Variants in SCN10A observed in about 807,000 individuals in gnomAD.
The protein encoded by SCN10A is sodium channel protein type 10 subunit alpha.
In SCN10A, 162 loss-of-function variants were observed where a neutral mutation model predicts 170.7. That is an observed-to-expected ratio of 0.95 (90% CI 0.84 to 1.08). The LOEUF is 1.08. Ranked by LOEUF, SCN10A falls within the 50% of genes least tolerant of loss-of-function variation. The pLI is 0.00. For missense variants in SCN10A, 2,527 were observed against 2,436.9 expected, an observed-to-expected ratio of 1.04 and a Z score of -0.78; for synonymous variants, 985 against 904.6, an observed-to-expected ratio of 1.09 and a Z score of -1.59.
At chr3:38,760,317 T>A (rs2126031445) in intron 8 of SCN10A, among the ~76,000 whole-genome samples, 1 of 152,344 alleles carries the variant, frequency 6.6e-6, no homozygotes. Flanking sequence ...AGAGGCCACA[T>A]GAGCAGAGAC....
intron 5 of SCN10A, among the ~76,000 whole-genome samples, chr3:38,764,913 G>A (rs1029468404): frequency 1.3e-5 from 2 of 152,126 alleles, no homozygotes; most frequent in Non-Finnish European, 2.9e-5. Context: ...GCAGGAGTAA[G>A]GTGGTATCTC....
At chr3:38,721,763 A>G (rs1371164306) in intron 20 of SCN10A, among the ~76,000 whole-genome samples, 4 of 152,234 alleles carry the variant, frequency 2.6e-5, no homozygotes, top group Non-Finnish European at 4.4e-5. Context: ...TGCTATTGTA[A>G]TGATTTTCTG....
Position 38,792,087 on chromosome 3 carries a change from G to T in SCN10A, c.352C>A (p.Leu118Met), listed in dbSNP as rs989355332. 3 of 1,613,854 alleles carry T rather than the reference G, an allele frequency of 1.9e-6. No individual in the cohort carries two copies. The highest frequency in any genetic ancestry group is 2.5e-6 in the Non-Finnish European group (3 of 1,179,826). The change falls in exon 3 of 28, where the codon CTG becomes ATG. Residue 118 changes from leucine to methionine, a missense_variant. Physicochemically the swap from Leu to Met is conservative, Grantham distance 15 (BLOSUM62 2). Coordinates refer to ENST00000449082, the MANE Select transcript of SCN10A (RefSeq NM_006514.4). ...RALWLFSPFN[L>M]IRRTAIKVSV... Reference sequence around the variant, plus strand: ...ACTTTGATGGCCGTTCTTCTGATCAGGTTGAAAGGACTGAATAGCCACAGG... The same window carrying T: ...ACTTTGATGGCCGTTCTTCTGATCATGTTGAAAGGACTGAATAGCCACAGG...
chr3:38,756,916 T>C, intron 9 of SCN10A, 45 bp from the exon 10 acceptor site: 4 of 1,609,636 alleles, frequency 2.5e-6, no homozygotes, highest in Non-Finnish European at 3.4e-6. Flanking sequence ...CCATAGCACA[T>C]GGACCCCTGA....
In SCN10A at chr3:38,742,674, A is replaced by G. The variant is rs548344372; in HGVS notation, c.1868-145T>C. ...AGCCCTCTCTCTGTCTCTGGTATTC[A>G]TTTCCTATATTTTGAACTCCTTTAG... On this transcript the variant is annotated intron_variant, in intron 13 of 27. Coordinates refer to ENST00000449082, the MANE Select transcript of SCN10A (RefSeq NM_006514.4). 1.0e-5 allele frequency: 7 copies of G among 690,278 alleles called. No homozygotes were observed. The Admixed American group carries it at 1.5e-4, about 15-fold the overall frequency. The allele number at this position is 690,278 out of a possible 1,614,324, so 42.8% of individuals were successfully genotyped here.
chr3:38,702,701 C>T (rs1220016685), intron 26 of SCN10A, among the ~76,000 whole-genome samples: 1 of 152,180 alleles, frequency 6.6e-6, no homozygotes, highest in African/African-American at 2.4e-5. Context: ...AAAGGGGAAA[C>T]TTATTCTTGG....
intron 26 of SCN10A, among the ~76,000 whole-genome samples, chr3:38,706,375 A>T (rs1000374929): frequency 6.6e-6 from 1 of 152,196 alleles, no homozygotes; most frequent in African/African-American, 2.4e-5. Context: ...GGCTAATGAA[A>T]TTGTGTCATC....
chr3:38,787,094 G>A (rs2064214401), intron 4 of SCN10A, among the ~76,000 whole-genome samples: 1 of 151,918 alleles, frequency 6.6e-6, no homozygotes, highest in Admixed American at 6.6e-5. Context: ...ATTGATTTGA[G>A]GATCATATTA....
rs537243271 is a variant in SCN10A, at chr3:38,768,167, C to A, written c.599+3112G>T. ...GTGAGTCTCTTGAAGACAGTAGATA[C>A]TTGGTTGGTGGATTTTTTTTTTCCT... On this transcript the variant is annotated intron_variant, in intron 5 of 27. Transcript: ENST00000449082. 9.6e-5 allele frequency among the ~76,000 whole-genome samples: 14 copies of A among 146,240 alleles called. No individual in the cohort carries two copies. In the South Asian group the frequency reaches 3.1e-3, roughly 32 times the overall value.
Position 38,728,557 on chromosome 3 carries a change from C to T in SCN10A, c.2625G>A (p.Val875=), listed in dbSNP as rs143092568. 6.3e-7 allele frequency: 1 copy of T among 1,590,354 alleles called. No individual in the cohort carries two copies. Among genetic ancestry groups the T allele is most frequent in the Non-Finnish European group, 8.6e-7 (1 of 1,165,286 alleles). Residue 875 remains valine (V), a synonymous_variant, in exon 16 of 28, where the codon GTG becomes GTA. Coordinates refer to ENST00000449082, the MANE Select transcript of SCN10A (RefSeq NM_006514.4). ...ICLILFLTVM[V]LGNLVVLNLF... is the part of the protein sequence containing the mutation. ...CACCACTCACCACCAGGTTCCCTAG[C>T]ACCATCACCGTCAAGAAAAGGATGA...
At chr3:38,809,730 A>G (rs897510320) in intron 1 of SCN10A, among the ~76,000 whole-genome samples, 13 of 152,260 alleles carry the variant, frequency 8.5e-5, no homozygotes, top group Admixed American at 8.5e-4. Context: ...AGGCCCTTCT[A>G]TCTTGACAAG....
intron 1 of SCN10A, among the ~76,000 whole-genome samples, chr3:38,812,636 T>G (rs1048305805): frequency 6.6e-6 from 1 of 152,184 alleles, no homozygotes; most frequent in Non-Finnish European, 1.5e-5. Flanking sequence ...AGGGAACTAC[T>G]GTTCGTTTTC....
chr3:38,773,639 A>G (rs965571563), intron 4 of SCN10A, among the ~76,000 whole-genome samples: 3 of 152,246 alleles, frequency 2.0e-5, no homozygotes, highest in African/African-American at 7.2e-5. Context: ...ACTCCAAGGA[A>G]AGCAAAAACA....
intron 1 of SCN10A, among the ~76,000 whole-genome samples, chr3:38,796,399 G>A (rs1425515357): frequency 2.0e-5 from 3 of 152,162 alleles, no homozygotes; most frequent in Non-Finnish European, 2.9e-5. Flanking sequence ...CCTCGTATGT[G>A]TCATTTTGAT....
At chr3:38,746,063 G>GTATGTATATATA (rs1553619551) in intron 13 of SCN10A, among the ~76,000 whole-genome samples, 4 of 61,626 alleles carry the variant, frequency 6.5e-5, no homozygotes, top group African/African-American at 1.4e-4. Flanking sequence ...GTGTGTATGT[G>GTATGTATATATA]TATATATATA....
chr3:38,721,581 A>G (rs1054905613), intron 20 of SCN10A, among the ~76,000 whole-genome samples: 1 of 152,034 alleles, frequency 6.6e-6, no homozygotes, highest in African/African-American at 2.4e-5. Flanking sequence ...ATGTCTCCCA[A>G]CTCTGAATCT....
intron 1 of SCN10A, 98 bp from the exon 2 acceptor site, chr3:38,794,140 C>T: frequency 1.2e-6 from 1 of 834,796 alleles, no homozygotes; most frequent in Non-Finnish European, 1.9e-6. Flanking sequence ...AGCCCTTCTC[C>T]CACCCTCATA....
At chr3:38,751,245 A>C (rs1424093224) in intron 12 of SCN10A, among the ~76,000 whole-genome samples, 1 of 152,210 alleles carries the variant, frequency 6.6e-6, no homozygotes, top group East Asian at 1.9e-4. Flanking sequence ...CTGCTGCTGT[A>C]GTCTAATTCT....
At chr3:38,807,761 C>T (rs2064414775) in intron 1 of SCN10A, among the ~76,000 whole-genome samples, 1 of 152,116 alleles carries the variant, frequency 6.6e-6, no homozygotes, top group African/African-American at 2.4e-5. Flanking sequence ...AAATTGGTTG[C>T]TTCTTTTATA....
Sources: allele counts gnomAD v4.1 joint callset (sites outside exome capture counted in the v4.1 genomes callset), GRCh38; gene constraint gnomAD v4.1.1; transcripts MANE v1.5; gene names NCBI Gene and HGNC (gene_info 2026-07-23, HGNC 2026-07-21).